Variants in ZCWPW2 observed in about 807,000 individuals in gnomAD.
The protein encoded by ZCWPW2 is zinc finger CW-type PWWP domain protein 2.
In ZCWPW2, 45 loss-of-function variants were observed where a neutral mutation model predicts 46.6. The observed-to-expected ratio is 0.96, with a 90% CI of 0.76 to 1.24. The LOEUF (loss-of-function observed/expected upper bound fraction) is 1.24. Ranked by LOEUF, ZCWPW2 falls within the 50% of genes most tolerant of loss-of-function variation. ZCWPW2 has a pLI of 0.00. For missense variants in ZCWPW2, 429 were observed against 403.9 expected, an observed-to-expected ratio of 1.06 and a Z score of -0.53; for synonymous variants, 152 against 137.1, an observed-to-expected ratio of 1.11 and a Z score of -0.76.
intron 6 of ZCWPW2, among the ~76,000 whole-genome samples, chr3:28,500,761 C>T (rs897193632): frequency 2.0e-5 from 3 of 152,112 alleles, no homozygotes; most frequent in African/African-American, 7.2e-5. Flanking sequence ...TCATGTACTG[C>T]AACTCACTTA....
intron 3 of ZCWPW2, among the ~76,000 whole-genome samples, chr3:28,430,789 C>A (rs888569311): frequency 2.5e-4 from 38 of 152,098 alleles, no homozygotes; most frequent in African/African-American, 8.2e-4. Context: ...GGAGCTTTCC[C>A]CCCTTCACTC....
At chr3:28,409,320 A>G (rs1043911198) in intron 2 of ZCWPW2, among the ~76,000 whole-genome samples, 1 of 151,860 alleles carries the variant, frequency 6.6e-6, no homozygotes, top group African/African-American at 2.4e-5. Context: ...GGGTTTCGCT[A>G]TGTTGACCAG....
intron 8 of ZCWPW2, among the ~76,000 whole-genome samples, chr3:28,518,529 G>T (rs1209012199): frequency 3.3e-5 from 5 of 152,142 alleles, no homozygotes; most frequent in Non-Finnish European, 5.9e-5. Context: ...CAGCAGTCAG[G>T]TTGGTGTTGT....
At chr3:28,380,377 CTCTTT>C (rs1328089933) in intron 1 of ZCWPW2, among the ~76,000 whole-genome samples, 1 of 152,168 alleles carries the variant, frequency 6.6e-6, no homozygotes, top group African/African-American at 2.4e-5. Context: ...TTCCAGCTTG[CTCTTT>C]TCTTTGCATT....
At chr3:28,350,602 AT>A (rs1264117965) in intron 1 of ZCWPW2, among the ~76,000 whole-genome samples, 1 of 148,918 alleles carries the variant, frequency 6.7e-6, no homozygotes, top group African/African-American at 2.6e-5. Context: ...CCCCTGCTAG[AT>A]TATGACAAAA....
At chr3:28,420,715 AT>A (rs982239810) in intron 3 of ZCWPW2, among the ~76,000 whole-genome samples, 9 of 151,186 alleles carry the variant, frequency 6.0e-5, no homozygotes, top group Non-Finnish European at 8.8e-5. Flanking sequence ...GGTATTATTT[AT>A]TTTTACCATA....
At chr3:28,358,108 A>T (rs193185236) in intron 1 of ZCWPW2, among the ~76,000 whole-genome samples, 3 of 151,934 alleles carry the variant, frequency 2.0e-5, no homozygotes, top group Admixed American at 2.0e-4. Context: ...CTGTTCACCT[A>T]GTTTTATGGG....
chr3:28,524,792 C>A lies in ZCWPW2; in HGVS notation c.*104C>A. 1 of 987,678 alleles carries A rather than the reference C, an allele frequency of 1.0e-6. No homozygotes were observed. Among genetic ancestry groups the A allele is most frequent in the Non-Finnish European group, 1.3e-6 (1 of 745,184 alleles). 61.2% of individuals were successfully genotyped at this position (987,678 alleles called of 1,614,324 possible). A position where few individuals can be genotyped will look rare whatever the true frequency, so the allele number is the denominator to read the frequency against. On this transcript the variant is annotated 3_prime_UTR_variant, in exon 10 of 10. Transcript: ENST00000383768. ...TTAGTGAAATAGGTATAAATTATAC[C>A]AAAGTTTATATTTGCGGTAACTTTC...
At chr3:28,450,955 G>A (rs1015539461) in intron 4 of ZCWPW2, among the ~76,000 whole-genome samples, 22 of 152,126 alleles carry the variant, frequency 1.4e-4, no homozygotes, top group Admixed American at 1.4e-3. Flanking sequence ...TTGCACATTT[G>A]ACACCCTTAT....
At chr3:28,363,840 C>G (rs556569750) in intron 1 of ZCWPW2, among the ~76,000 whole-genome samples, 3 of 152,300 alleles carry the variant, frequency 2.0e-5, no homozygotes, top group African/African-American at 7.2e-5. Flanking sequence ...CTCCCTCTCC[C>G]TCTGCCTCCT....
At chr3:28,350,444 T>G (rs2125682714) in intron 1 of ZCWPW2, among the ~76,000 whole-genome samples, 1 of 152,224 alleles carries the variant, frequency 6.6e-6, no homozygotes, top group Non-Finnish European at 1.5e-5. Context: ...GGTGAGAGAG[T>G]CAATTTTTGT....
At chr3:28,451,485 T>C (rs763604333) in intron 4 of ZCWPW2, among the ~76,000 whole-genome samples, 1 of 152,176 alleles carries the variant, frequency 6.6e-6, no homozygotes, top group African/African-American at 2.4e-5. Flanking sequence ...GTACCTACAA[T>C]GAGGAAATTT....
chr3:28,494,525 C>A (rs879308460), intron 6 of ZCWPW2, among the ~76,000 whole-genome samples: 6 of 151,776 alleles, frequency 4.0e-5, no homozygotes, highest in African/African-American at 9.7e-5. Flanking sequence ...TGTTTTGGTA[C>A]CAGTACCTCT....
intron 2 of ZCWPW2, among the ~76,000 whole-genome samples, chr3:28,392,748 A>G (rs1695546282): frequency 6.6e-6 from 1 of 152,166 alleles, no homozygotes; most frequent in Non-Finnish European, 1.5e-5. Context: ...AAATGAAAAA[A>G]AAATATTTTG....
At chr3:28,376,051 C>T (rs1279973380) in intron 1 of ZCWPW2, among the ~76,000 whole-genome samples, 1 of 152,008 alleles carries the variant, frequency 6.6e-6, no homozygotes, top group Non-Finnish European at 1.5e-5. Flanking sequence ...TATTGGTGGA[C>T]AGTTAGGTTG....
intron 2 of ZCWPW2, among the ~76,000 whole-genome samples, 156 bp from the exon 3 acceptor site, chr3:28,412,900 G>A (rs1008339548): frequency 6.6e-6 from 1 of 151,864 alleles, no homozygotes; most frequent in Non-Finnish European, 1.5e-5. Flanking sequence ...CTGGGTAGGT[G>A]GAAACAACGT....
intron 4 of ZCWPW2, among the ~76,000 whole-genome samples, chr3:28,446,196 A>G (rs1697983713): frequency 6.6e-6 from 1 of 151,984 alleles, no homozygotes; most frequent in African/African-American, 2.4e-5. Context: ...TGTACAAAAC[A>G]CTCTACCCGA....
intron 1 of ZCWPW2, among the ~76,000 whole-genome samples, chr3:28,352,328 G>A (rs750665782): frequency 3.3e-5 from 5 of 152,174 alleles, no homozygotes; most frequent in Non-Finnish European, 7.3e-5. Context: ...GGGTTATATA[G>A]TTAAGGATAG....
At chr3:28,484,031 G>C (rs1407068667) in intron 5 of ZCWPW2, among the ~76,000 whole-genome samples, 2 of 152,090 alleles carry the variant, frequency 1.3e-5, no homozygotes, top group African/African-American at 2.4e-5. Flanking sequence ...AGAGTGGTGA[G>C]GGAGAAAACC....
Sources: gnomAD v4.1 joint callset for allele counts (sites outside exome capture counted in the v4.1 genomes callset) on GRCh38, gnomAD v4.1.1 for gene constraint, MANE v1.5 for transcripts, NCBI Gene and HGNC (gene_info 2026-07-23, HGNC 2026-07-21) for gene names.